Variants in KLHDC4 observed in about 807,000 individuals in gnomAD.
KLHDC4 encodes the protein kelch domain containing 4.
A neutral mutation model predicts 62.4 loss-of-function variants in KLHDC4; 90 were observed. That is an observed-to-expected ratio of 1.44 (90% CI 1.22 to 1.72). The LOEUF (loss-of-function observed/expected upper bound fraction) is 1.72. Ranked by LOEUF, KLHDC4 falls within the 40% of genes most tolerant of loss-of-function variation. The pLI, the probability that KLHDC4 is intolerant of heterozygous loss-of-function variation, is 0.00. For missense variants in KLHDC4, 1,025 were observed against 699.7 expected (o/e 1.47, Z -5.25); for synonymous variants, 386 against 284.4 (o/e 1.36, Z -3.59).
chr16:87,746,729 G>A (rs2043095205), intron 5 of KLHDC4, among the ~76,000 whole-genome samples: 1 of 152,122 alleles, frequency 6.6e-6, no homozygotes, highest in Non-Finnish European at 1.5e-5. Flanking sequence ...CCCTGTTCCT[G>A]CCCCACCACT....
chr16:87,708,360 C>T lies in KLHDC4; in HGVS notation c.1554G>A (p.Ala518=), dbSNP rs557850172. Residue 518 remains alanine (A), a synonymous_variant, in exon 11 of 12, where the codon GCG becomes GCA. Coordinates refer to ENST00000270583, the MANE Select transcript of KLHDC4 (RefSeq NM_017566.4). ...DDEDSGEESG[A]ED ...CCCGAGCCCGCTCACCTCAGTCCTC[C>T]GCACCGCTCTCCTCTCCGCTGTCTT... 4.0e-5 allele frequency: 64 copies of T among 1,604,658 alleles called. No individual in the cohort carries two copies. Among genetic ancestry groups the T allele is most frequent in the Admixed American group, 3.0e-4 (18 of 59,488 alleles).
At chr16:87,711,184 C>T (rs1169593166) in intron 9 of KLHDC4, 51 bp downstream of exon 9, 2 of 1,594,472 alleles carry the variant, frequency 1.3e-6, no homozygotes, top group Middle Eastern at 1.7e-4. Context: ...GTGGCAGGGA[C>T]CCAAGTTAGG....
intron 6 of KLHDC4, among the ~76,000 whole-genome samples, chr16:87,730,253 C>G (rs751783983): frequency 2.6e-5 from 4 of 152,252 alleles, no homozygotes; most frequent in Non-Finnish European, 5.9e-5. Context: ...CATGCCCAGC[C>G]AAAACCCCAT....
chr16:87,705,563 C>G (rs1246179342), downstream of KLHDC4, among the ~76,000 whole-genome samples: 2 of 152,366 alleles, frequency 1.3e-5, no homozygotes, highest in East Asian at 1.9e-4. Context: ...CTGCTGTCAT[C>G]TTTCTTTCAA....
intron 7 of KLHDC4, among the ~76,000 whole-genome samples, chr16:87,718,404 C>CTCCCTCTGATGCCGA (rs2037505290): frequency 6.8e-6 from 1 of 146,298 alleles, no homozygotes; most frequent in Non-Finnish European, 1.5e-5. Context: ...TCTCCACGGT[C>CTCCCTCTGATGCCGA]TCCCTCTGAT....
At chr16:87,723,941 A>G (rs972970678) in intron 7 of KLHDC4, among the ~76,000 whole-genome samples, 3 of 152,112 alleles carry the variant, frequency 2.0e-5, no homozygotes, top group African/African-American at 4.8e-5. Flanking sequence ...GGTTCAAGTG[A>G]TTCTCCTATC....
chr16:87,723,996 C>T (rs1461986384), intron 7 of KLHDC4, among the ~76,000 whole-genome samples: 1 of 152,156 alleles, frequency 6.6e-6, no homozygotes, highest in Non-Finnish European at 1.5e-5. Flanking sequence ...CCCACCACGC[C>T]TGGCTAATTT....
intron 8 of KLHDC4, among the ~76,000 whole-genome samples, chr16:87,711,952 C>T (rs555451315): frequency 3.4e-5 from 5 of 145,492 alleles, no homozygotes; most frequent in South Asian, 2.1e-4. Context: ...GGGGACCCTC[C>T]GCCCTGCAAG....
intron 7 of KLHDC4, among the ~76,000 whole-genome samples, chr16:87,722,481 G>C (rs2142996718): frequency 6.6e-6 from 1 of 152,298 alleles, no homozygotes; most frequent in South Asian, 2.1e-4. Context: ...TCAAACTCTG[G>C]AGCCTTGCCA....
At chr16:87,748,170 T>C (rs1356261809) in intron 5 of KLHDC4, among the ~76,000 whole-genome samples, 2 of 152,100 alleles carry the variant, frequency 1.3e-5, no homozygotes, top group Non-Finnish European at 2.9e-5. Context: ...AGAAACCCCA[T>C]CAGCAACATT....
intron 2 of KLHDC4, among the ~76,000 whole-genome samples, chr16:87,760,532 G>A (rs931313451): frequency 9.3e-5 from 14 of 150,226 alleles, no homozygotes; most frequent in Non-Finnish European, 8.9e-5. Context: ...GCGTGAACCC[G>A]GGAGGCAGAG....
chr16:87,732,540 A>C (rs895973100), intron 5 of KLHDC4, among the ~76,000 whole-genome samples: 2 of 152,250 alleles, frequency 1.3e-5, no homozygotes, highest in Admixed American at 6.5e-5. Context: ...TAAAACCTTA[A>C]AAATACACAC....
chr16:87,746,075 G>A (rs955638826), intron 5 of KLHDC4, among the ~76,000 whole-genome samples: 16 of 151,988 alleles, frequency 1.1e-4, no homozygotes, highest in South Asian at 2.1e-4. Context: ...ACCAACCTGG[G>A]CAACATGACA....
At chr16:87,717,306 C>T (rs1024535092) in intron 7 of KLHDC4, among the ~76,000 whole-genome samples, 1 of 152,186 alleles carries the variant, frequency 6.6e-6, no homozygotes, top group Non-Finnish European at 1.5e-5. Context: ...GTTTCTAGGC[C>T]GTCCCATCTG....
intron 4 of KLHDC4, among the ~76,000 whole-genome samples, chr16:87,750,570 A>G (rs895242202): frequency 2.0e-5 from 3 of 152,202 alleles, no homozygotes; most frequent in Admixed American, 6.5e-5. Context: ...AGGACGAAGA[A>G]TGGTTCCACA....
intron 5 of KLHDC4, among the ~76,000 whole-genome samples, chr16:87,740,285 G>T (rs1207462236): frequency 1.3e-5 from 2 of 152,146 alleles, no homozygotes; most frequent in Admixed American, 6.5e-5. Context: ...GATCCCACCC[G>T]ACATGTGTGC....
At position 87,707,867 on chromosome 16, in the gene KLHDC4, C is replaced by T. The variant is rs1409851851; in HGVS notation, c.*210G>A. 1.8e-5 allele frequency: 8 copies of T among 440,558 alleles called. No individual in the cohort carries two copies. Among genetic ancestry groups the T allele is most frequent in the South Asian group, 4.8e-5 (3 of 62,552 alleles). The allele number at this position is 440,558 out of a possible 1,614,324, so 27.3% of individuals were successfully genotyped here. A position where few individuals can be genotyped will look rare whatever the true frequency, so the allele number is the denominator to read the frequency against. ...ACACACAGGCTGCTGAGGGAATCCA[C>T]CTGCACTGCACTCAGTTGAACTTCC... On this transcript the variant is annotated 3_prime_UTR_variant, in exon 12 of 12. Transcript: ENST00000270583.
At chr16:87,745,009 T>C (rs1291777951) in intron 5 of KLHDC4, among the ~76,000 whole-genome samples, 9 of 152,206 alleles carry the variant, frequency 5.9e-5, no homozygotes, top group African/African-American at 9.6e-5. Flanking sequence ...CGTGTACACA[T>C]GCAGGCTTTT....
chr16:87,719,527 C>T (rs2037820996), intron 7 of KLHDC4, among the ~76,000 whole-genome samples: 1 of 152,162 alleles, frequency 6.6e-6, no homozygotes, highest in Non-Finnish European at 1.5e-5. Context: ...GACACAAACA[C>T]ACGGAAGGCC....
Sources: gnomAD v4.1 joint callset for allele counts (sites outside exome capture counted in the v4.1 genomes callset) on GRCh38, gnomAD v4.1.1 for gene constraint, MANE v1.5 for transcripts, NCBI Gene and HGNC (gene_info 2026-07-23, HGNC 2026-07-21) for gene names.